The following GALNTL6 variants were observed in gnomAD, a reference collection of about 807,000 sequenced individuals.
GALNTL6 encodes polypeptide N-acetylgalactosaminyltransferase like 6.
A neutral mutation model predicts 73.7 loss-of-function variants in GALNTL6; 46 were observed. The observed-to-expected ratio is 0.62, with a 90% CI of 0.49 to 0.80. The LOEUF (loss-of-function observed/expected upper bound fraction) is 0.80. GALNTL6 is among the 30% of genes least tolerant of loss of function. GALNTL6 has a pLI of 0.00. For missense variants in GALNTL6, 604 were observed against 755.0 expected (o/e 0.80, Z 2.34); for synonymous variants, 259 against 263.7 (o/e 0.98, Z 0.17).
intron 2 of GALNTL6, among the ~76,000 whole-genome samples, chr4:171,952,519 A>G (rs914124225): frequency 1.3e-5 from 2 of 152,220 alleles, no homozygotes; most frequent in South Asian, 4.1e-4. Flanking sequence ...AAAAATTTCA[A>G]TGACTTATTA....
chr4:172,289,174 A>G (rs948831339), intron 3 of GALNTL6, among the ~76,000 whole-genome samples: 13 of 152,224 alleles, frequency 8.5e-5, no homozygotes, highest in African/African-American at 3.1e-4. Context: ...TTAAAATTCA[A>G]AAATCAAAAT....
intron 2 of GALNTL6, among the ~76,000 whole-genome samples, chr4:171,930,606 G>C (rs1204791837): frequency 2.6e-5 from 4 of 152,004 alleles, no homozygotes; most frequent in African/African-American, 2.4e-5. Context: ...AGGCCGAGGT[G>C]GGCAGATCAC....
At chr4:171,867,256 A>G (rs1578924383) in intron 2 of GALNTL6, among the ~76,000 whole-genome samples, 1 of 152,330 alleles carries the variant, frequency 6.6e-6, no homozygotes, top group South Asian at 2.1e-4. Context: ...TCTAAAATTG[A>G]TAAATCTATT....
intron 3 of GALNTL6, among the ~76,000 whole-genome samples, chr4:172,288,439 A>T (rs772117352): frequency 3.9e-5 from 6 of 152,212 alleles, no homozygotes; most frequent in Non-Finnish European, 8.8e-5. Flanking sequence ...CTAAAAGTGA[A>T]TAAAGAATTA....
At position 172,364,933 on chromosome 4, in the gene GALNTL6, C is replaced by T. The variant is rs1259954952; in HGVS notation, c.553+16244C>T. On this transcript the variant is annotated intron_variant, in intron 5 of 12. Coordinates refer to ENST00000506823, the MANE Select transcript of GALNTL6 (RefSeq NM_001034845.3). ...AACTGCAAATGTATGTCCTGTGTCC[C>T]CATGTAGACTATAAGTTCCATAAAG... Among the ~76,000 whole-genome samples, 3 of 152,128 alleles carry T rather than the reference C, an allele frequency of 2.0e-5. No homozygotes were observed. In the East Asian group the frequency reaches 5.8e-4, roughly 29 times the overall value.
intron 2 of GALNTL6, among the ~76,000 whole-genome samples, chr4:171,952,619 T>C (rs897190508): frequency 6.6e-6 from 1 of 152,000 alleles, no homozygotes; most frequent in Admixed American, 6.6e-5. Context: ...ATCATTTCAA[T>C]GGAAAGAAAA....
chr4:172,323,882 A>C (rs752840731), intron 4 of GALNTL6, among the ~76,000 whole-genome samples: 41 of 152,196 alleles, frequency 2.7e-4, no homozygotes, highest in Admixed American at 4.6e-4. Context: ...CCATGAGGTC[A>C]GAAACAAGTT....
chr4:172,613,663 A>G (rs1738614914), intron 5 of GALNTL6, among the ~76,000 whole-genome samples: 1 of 152,152 alleles, frequency 6.6e-6, no homozygotes, highest in South Asian at 2.1e-4. Flanking sequence ...ATTATGCCAC[A>G]TCGTTATAGT....
At chr4:172,426,915 C>CTT (rs1349860210) in intron 5 of GALNTL6, among the ~76,000 whole-genome samples, 253 of 34,266 alleles carry the variant, frequency 7.4e-3, no homozygotes, top group Non-Finnish European at 0.013. Flanking sequence ...TGTAAGGACT[C>CTT]TTATATATAT....
At chr4:171,950,636 C>T (rs1329775432) in intron 2 of GALNTL6, among the ~76,000 whole-genome samples, 3 of 151,882 alleles carry the variant, frequency 2.0e-5, no homozygotes, top group African/African-American at 4.8e-5. Flanking sequence ...GGCACCACCA[C>T]GCCAGGCTAA....
At chr4:172,416,244 T>C (rs1013555084) in intron 5 of GALNTL6, among the ~76,000 whole-genome samples, 2 of 152,198 alleles carry the variant, frequency 1.3e-5, no homozygotes, top group African/African-American at 4.8e-5. Flanking sequence ...TTAACACCTC[T>C]AGCTTAAATG....
At chr4:172,159,200 A>G (rs1734377734) in intron 2 of GALNTL6, among the ~76,000 whole-genome samples, 1 of 152,134 alleles carries the variant, frequency 6.6e-6, no homozygotes, top group African/African-American at 2.4e-5. Flanking sequence ...GAATTCAACC[A>G]TCATTCACCC....
intron 2 of GALNTL6, among the ~76,000 whole-genome samples, chr4:171,987,801 G>A (rs1008260045): frequency 1.3e-5 from 2 of 152,172 alleles, no homozygotes; most frequent in East Asian, 3.9e-4. Flanking sequence ...AGCGTGATCA[G>A]GGTGAGGAAC....
intron 5 of GALNTL6, among the ~76,000 whole-genome samples, chr4:172,452,713 C>T (rs1732256282): frequency 6.6e-6 from 1 of 152,168 alleles, no homozygotes; most frequent in Non-Finnish European, 1.5e-5. Flanking sequence ...AAAACTGATT[C>T]ATATCATGTA....
At chr4:172,162,653 A>G (rs541521423) in intron 2 of GALNTL6, among the ~76,000 whole-genome samples, 2 of 152,152 alleles carry the variant, frequency 1.3e-5, no homozygotes, top group African/African-American at 4.8e-5. Context: ...TAATTTAAAA[A>G]GATCTTGTGG....
At chr4:172,122,935 T>C (rs1479954363) in intron 2 of GALNTL6, among the ~76,000 whole-genome samples, 2 of 152,248 alleles carry the variant, frequency 1.3e-5, no homozygotes, top group Admixed American at 1.3e-4. Context: ...TAATAAGAAC[T>C]CTAAAACAAT....
At chr4:172,333,914 A>AT (rs1426257375) in intron 4 of GALNTL6, among the ~76,000 whole-genome samples, 1 of 152,034 alleles carries the variant, frequency 6.6e-6, no homozygotes, top group East Asian at 1.9e-4. Flanking sequence ...TGGCTACCCA[A>AT]TTTTCCCAGC....
intron 5 of GALNTL6, among the ~76,000 whole-genome samples, chr4:172,559,734 T>TA (rs1736282668): frequency 6.6e-6 from 1 of 152,162 alleles, no homozygotes; most frequent in Non-Finnish European, 1.5e-5. Context: ...AGCATTAGGA[T>TA]AAAAAATAGT....
In GALNTL6 at chr4:172,751,444, C is replaced by T. The variant is rs549997417; in HGVS notation, c.554-57917C>T. Among the ~76,000 whole-genome samples the T allele has an allele frequency of 2.6e-5, 4 of 152,184 alleles. No homozygotes were observed. The East Asian group carries it at 5.8e-4, about 22-fold the overall frequency. ...AAACTATTGATCTTAAAAATATCAC[C>T]AACTATTTCACTAATCTTTCTCTGT... On this transcript the variant is annotated intron_variant, in intron 5 of 12. Coordinates refer to ENST00000506823, the MANE Select transcript of GALNTL6 (RefSeq NM_001034845.3).
Sources: gnomAD v4.1 joint callset for allele counts (sites outside exome capture counted in the v4.1 genomes callset) on GRCh38, gnomAD v4.1.1 for gene constraint, MANE v1.5 for transcripts, NCBI Gene and HGNC (gene_info 2026-07-23, HGNC 2026-07-21) for gene names.